NPSR1: variants seen among roughly 807,000 people sequenced by gnomAD.
NPSR1 encodes the protein neuropeptide S receptor 1.
NPSR1 carries 48 observed loss-of-function variants against 46.9 expected under a neutral mutation model. That is an observed-to-expected ratio of 1.02 (90% CI 0.81 to 1.30). The LOEUF (loss-of-function observed/expected upper bound fraction) is 1.30, where lower values mean the gene tolerates loss of function less well. Among genes scored for constraint, NPSR1 ranks in the 50% most tolerant of loss-of-function variants. The pLI is 0.00. For synonymous variants in NPSR1, 176 were observed against 168.1 expected, an observed-to-expected ratio of 1.05 and a Z score of -0.36; for missense variants, 450 against 449.5, an observed-to-expected ratio of 1.00 and a Z score of -0.01.
intron 1 of NPSR1, among the ~76,000 whole-genome samples, chr7:34,667,985 A>G (rs1791839004): frequency 6.6e-6 from 1 of 151,756 alleles, no homozygotes; most frequent in African/African-American, 2.4e-5. Context: ...CCCCCCTAAC[A>G]TATGTTAGGG....
intron 2 of NPSR1, among the ~76,000 whole-genome samples, chr7:34,763,891 T>C (rs35764324): frequency 2.0e-5 from 3 of 152,350 alleles, no homozygotes; most frequent in Non-Finnish European, 4.4e-5. Flanking sequence ...TGTCAATTTA[T>C]ATGCTTTCCC....
intron 8 of NPSR1, among the ~76,000 whole-genome samples, chr7:34,877,189 A>G (rs1791596590): frequency 6.6e-6 from 1 of 151,992 alleles, no homozygotes; most frequent in African/African-American, 2.4e-5. Context: ...ACCACTGATG[A>G]GCCACAATTC....
In NPSR1 at chr7:34,659,883, G is replaced by C. The variant is rs56274748; in HGVS notation, c.147+1324G>C. On this transcript the variant is annotated intron_variant, in intron 1 of 8. Transcript: ENST00000360581. The stretch of plus-strand genomic sequence containing the variant: ...GCACAGGACTCCACTCAGTATTGCT[G>C]CCTGTGTAGCCTCTTTGATATTCTT... Among the ~76,000 whole-genome samples the C allele has an allele frequency of 1.4e-3, 207 of 152,272 alleles. 1 individual carries two copies. The highest frequency in any genetic ancestry group is 4.2e-3 in the African/African-American group (174 of 41,566).
At chr7:34,777,074 C>T (rs1185232720) in intron 2 of NPSR1, among the ~76,000 whole-genome samples, 2 of 152,170 alleles carry the variant, frequency 1.3e-5, no homozygotes, top group Non-Finnish European at 2.9e-5. Flanking sequence ...CCCTTAGCCA[C>T]CCAAGCTGGT....
At chr7:34,829,345 A>G (rs1790011872) in intron 5 of NPSR1, among the ~76,000 whole-genome samples, 1 of 152,172 alleles carries the variant, frequency 6.6e-6, no homozygotes, top group South Asian at 2.1e-4. Flanking sequence ...ATTTTGACTT[A>G]TTGCCCTCCA....
intron 8 of NPSR1, among the ~76,000 whole-genome samples, chr7:34,877,020 C>A (rs563137430): frequency 8.5e-5 from 13 of 152,186 alleles, no homozygotes; most frequent in Admixed American, 2.0e-4. Context: ...GCCTGCCCCC[C>A]ACTCCTGGAC....
intron 8 of NPSR1, among the ~76,000 whole-genome samples, chr7:34,859,516 T>C (rs980152293): frequency 1.9e-4 from 29 of 151,758 alleles, no homozygotes; most frequent in Non-Finnish European, 3.4e-4. Context: ...ATCCTCTATA[T>C]AGGGAACACT....
chr7:34,814,541 G>A (rs1288186302), intron 4 of NPSR1, among the ~76,000 whole-genome samples: 1 of 152,218 alleles, frequency 6.6e-6, no homozygotes, highest in Non-Finnish European at 1.5e-5. Context: ...GAGCACAGTG[G>A]TTCTTCCAGC....
At chr7:34,762,809 A>C (rs1478393511) in intron 2 of NPSR1, among the ~76,000 whole-genome samples, 2 of 152,216 alleles carry the variant, frequency 1.3e-5, no homozygotes, top group African/African-American at 4.8e-5. Flanking sequence ...CAATGTCTTC[A>C]TAAAAATTGT....
At position 34,797,003 on chromosome 7, in the gene NPSR1, A is replaced by G. The variant is rs147798057; in HGVS notation, c.385-14767A>G. On this transcript the variant is annotated intron_variant, in intron 3 of 8. Coordinates refer to ENST00000360581, the MANE Select transcript of NPSR1 (RefSeq NM_207172.2). ...AAATATTATTCAGTGCTAAAAAGAA[A>G]TGAGCTGTCAAGCTTATTTAAAGGT... Among the ~76,000 whole-genome samples, 84 of 152,336 alleles carry G rather than the reference A, an allele frequency of 5.5e-4. No homozygotes were observed. The East Asian group carries it at 0.015, about 27-fold the overall frequency.
At chr7:34,752,291 G>A (rs1785580005) in intron 2 of NPSR1, among the ~76,000 whole-genome samples, 1 of 152,124 alleles carries the variant, frequency 6.6e-6, no homozygotes. Flanking sequence ...GGGTCCAGGT[G>A]CTGGGGGGAT....
chr7:34,764,329 G>A (rs1194225140), intron 2 of NPSR1, among the ~76,000 whole-genome samples: 1 of 152,210 alleles, frequency 6.6e-6, no homozygotes, highest in African/African-American at 2.4e-5. Context: ...GACTTGAGAA[G>A]AAGGAAAGTC....
intron 2 of NPSR1, among the ~76,000 whole-genome samples, chr7:34,749,305 T>C (rs1007799647): frequency 1.3e-5 from 2 of 152,208 alleles, no homozygotes; most frequent in Admixed American, 6.5e-5. Flanking sequence ...CTTGATTCTC[T>C]AGCTCCTTAT....
intron 8 of NPSR1, among the ~76,000 whole-genome samples, chr7:34,868,351 C>T (rs1486150134): frequency 1.3e-5 from 2 of 151,684 alleles, no homozygotes; most frequent in African/African-American, 4.9e-5. Context: ...TTAGTCTCTC[C>T]CTTAGCCTGA....
chr7:34,680,647 G>A (rs1015401426), intron 1 of NPSR1, among the ~76,000 whole-genome samples: 5 of 152,022 alleles, frequency 3.3e-5, no homozygotes, highest in Non-Finnish European at 5.9e-5. Context: ...TCAATAAATC[G>A]CAGCATAGTC....
intron 2 of NPSR1, among the ~76,000 whole-genome samples, chr7:34,735,768 G>A (rs370390747): frequency 1.3e-5 from 2 of 152,102 alleles, no homozygotes; most frequent in African/African-American, 2.4e-5. Context: ...TTTTCATTAC[G>A]GGGCTATTTA....
chr7:34,724,899 T>A (rs1393267677), intron 2 of NPSR1, among the ~76,000 whole-genome samples: 2 of 152,160 alleles, frequency 1.3e-5, no homozygotes, highest in African/African-American at 2.4e-5. Context: ...AAAGTCCTCA[T>A]TTTGTTGGAA....
chr7:34,746,056 A>T (rs1362191703), intron 2 of NPSR1, among the ~76,000 whole-genome samples: 1 of 152,168 alleles, frequency 6.6e-6, no homozygotes, highest in East Asian at 1.9e-4. Context: ...CAGACTACAC[A>T]CTCAGAACCA....
chr7:34,692,946 G>T (rs1332025232), intron 2 of NPSR1, among the ~76,000 whole-genome samples: 2 of 152,300 alleles, frequency 1.3e-5, no homozygotes, highest in African/African-American at 4.8e-5. Context: ...TGGAGGTAGG[G>T]CCTGGTGGAA....
Sources: gnomAD v4.1 joint callset for allele counts (sites outside exome capture counted in the v4.1 genomes callset) on GRCh38, gnomAD v4.1.1 for gene constraint, MANE v1.5 for transcripts, NCBI Gene and HGNC (gene_info 2026-07-23, HGNC 2026-07-21) for gene names.